SLC39A11: variants seen among roughly 807,000 people sequenced by gnomAD.
The protein encoded by SLC39A11 is zinc transporter ZIP11.
SLC39A11 carries 33 observed loss-of-function variants against 36.1 expected under a neutral mutation model. The observed-to-expected ratio is 0.91, with a 90% confidence interval of 0.69 to 1.22. SLC39A11 has a LOEUF of 1.22. Among genes scored for constraint, SLC39A11 ranks in the 50% most tolerant of loss-of-function variants. SLC39A11 has a pLI of 0.00. For synonymous variants in SLC39A11, 166 were observed against 170.3 expected (o/e 0.97, Z 0.20); for missense variants, 432 against 430.3 (o/e 1.00, Z -0.03).
intron 7 of SLC39A11, among the ~76,000 whole-genome samples, chr17:72,734,264 C>T (rs998757126): frequency 1.3e-5 from 2 of 152,180 alleles, no homozygotes; most frequent in Non-Finnish European, 2.9e-5. Context: ...ACAAACTCTA[C>T]ACGTTTTTCA....
intron 5 of SLC39A11, among the ~76,000 whole-genome samples, chr17:72,933,392 A>C (rs1420170379): frequency 6.6e-6 from 1 of 152,226 alleles, no homozygotes; most frequent in Non-Finnish European, 1.5e-5. Flanking sequence ...ACCACAAAAC[A>C]CTGATAAAGG....
chr17:72,672,852 T>C (rs2071082429), intron 7 of SLC39A11, among the ~76,000 whole-genome samples: 1 of 152,144 alleles, frequency 6.6e-6, no homozygotes, highest in Admixed American at 6.5e-5. Flanking sequence ...CAAATGATTC[T>C]CTCACCTCAG....
intron 6 of SLC39A11, among the ~76,000 whole-genome samples, chr17:72,795,428 A>AAG (rs551804748): frequency 6.5e-4 from 99 of 151,988 alleles, no homozygotes; most frequent in Non-Finnish European, 1.1e-3. Context: ...ATGACAGAGA[A>AAG]AGAGAGAGAG....
chr17:72,748,579 C>T (rs1029509287), intron 6 of SLC39A11, among the ~76,000 whole-genome samples: 1 of 152,198 alleles, frequency 6.6e-6, no homozygotes, highest in East Asian at 1.9e-4. Flanking sequence ...ACTGCGAAGA[C>T]ACAGGCAGCG....
At position 73,038,149 on chromosome 17, in the gene SLC39A11, G is replaced by A. The variant is rs151114486; in HGVS notation, c.148-6435C>T. 7.9e-5 allele frequency among the ~76,000 whole-genome samples: 12 copies of A among 152,050 alleles called. No homozygotes were observed. In the South Asian group the frequency reaches 1.5e-3, roughly 18 times the overall value. On this transcript the variant is annotated intron_variant, in intron 3 of 9. Transcript: ENST00000255559. Reference sequence around the variant, plus strand: ...TGAGACATGAGAATCACTTCAACCCGGGAGGCGGAGGTGGCAGTGAACTGA... The same window carrying A: ...TGAGACATGAGAATCACTTCAACCCAGGAGGCGGAGGTGGCAGTGAACTGA...
intron 5 of SLC39A11, among the ~76,000 whole-genome samples, chr17:72,899,823 G>C (rs936604236): frequency 2.0e-5 from 3 of 151,972 alleles, no homozygotes; most frequent in Non-Finnish European, 4.4e-5. Context: ...TTAGCCGGGC[G>C]TGGGGGCAGG....
intron 5 of SLC39A11, among the ~76,000 whole-genome samples, chr17:72,931,379 A>G (rs1164991826): frequency 4.6e-5 from 7 of 152,210 alleles, no homozygotes. Flanking sequence ...GAGTGAGCCC[A>G]GCCAAGAGAG....
intron 6 of SLC39A11, among the ~76,000 whole-genome samples, chr17:72,752,337 C>T (rs1213306619): frequency 2.6e-5 from 4 of 151,950 alleles, no homozygotes; most frequent in Non-Finnish European, 4.4e-5. Flanking sequence ...CTCCGCCTCC[C>T]GGGTTCCAGC....
chr17:72,889,718 G>A (rs2081627845), intron 5 of SLC39A11, among the ~76,000 whole-genome samples: 1 of 152,054 alleles, frequency 6.6e-6, no homozygotes, highest in African/African-American at 2.4e-5. Context: ...TTAAGATTTG[G>A]CTGTTGCATA....
rs566813870 is a variant in SLC39A11 at position 72,970,964 on chromosome 17, G to T, written c.307-23089C>A. 5.9e-5 allele frequency among the ~76,000 whole-genome samples: 9 copies of T among 152,302 alleles called. No individual in the cohort carries two copies. In the South Asian group the frequency reaches 1.9e-3, roughly 32 times the overall value. ...CCGCTGGGTGTCTGGGGCTCTGGGT[G>T]TCCCCACCACTCCTCCAGTGCCCAC... is the stretch of plus-strand genomic sequence containing the variant. On this transcript the variant is annotated intron_variant, in intron 4 of 9. Coordinates refer to ENST00000255559, the MANE Select transcript of SLC39A11 (RefSeq NM_139177.4).
chr17:72,968,974 A>T (rs1287690461), intron 4 of SLC39A11, among the ~76,000 whole-genome samples: 1 of 151,850 alleles, frequency 6.6e-6, no homozygotes, highest in East Asian at 1.9e-4. Context: ...CCCATCTCTG[A>T]TGCACGTGCT....
chr17:72,671,347 A>G (rs1464356335), intron 7 of SLC39A11, among the ~76,000 whole-genome samples: 2 of 152,178 alleles, frequency 1.3e-5, no homozygotes, highest in Non-Finnish European at 2.9e-5. Flanking sequence ...TGTGCATCCC[A>G]GATTATAATC....
intron 4 of SLC39A11, among the ~76,000 whole-genome samples, chr17:73,002,423 C>T (rs1486623780): frequency 6.6e-6 from 1 of 152,184 alleles, no homozygotes; most frequent in East Asian, 1.9e-4. Context: ...TCTGGTGCCT[C>T]TTAAACCATT....
In SLC39A11 at chr17:72,821,910, T is replaced by C. The variant is rs192687379; in HGVS notation, c.601+27724A>G. 318 of 151,700 alleles carry C rather than the reference T, an allele frequency of 2.1e-3. 8 individuals are homozygous for C. Among genetic ancestry groups the C allele is most frequent in the Middle Eastern group, 6.8e-3 (2 of 296 alleles). The allele number at this position is 151,700 out of a possible 1,614,324, so 9.4% of individuals were successfully genotyped here. Reference sequence around the variant, plus strand: ...CCCCACTCCACTGACAGGGCCTGCATAGTCCTCTTCCCTGGGTCCATTCCC... The same window carrying C: ...CCCCACTCCACTGACAGGGCCTGCACAGTCCTCTTCCCTGGGTCCATTCCC... On this transcript the variant is annotated intron_variant, in intron 6 of 9. Coordinates refer to ENST00000255559, the MANE Select transcript of SLC39A11 (RefSeq NM_139177.4).
At position 72,781,652 on chromosome 17, in the gene SLC39A11, C is replaced by T. The variant is rs553980824; in HGVS notation, c.602-44933G>A. Among the ~76,000 whole-genome samples, 13 of 152,162 alleles carry T rather than the reference C, an allele frequency of 8.5e-5. 1 individual carries two copies. In the South Asian group the frequency reaches 2.7e-3, roughly 32 times the overall value. ...GTTAACCACGTCTTGGTCTCCTGAC[C>T]TCATGTTCTGCTCACCTTGGTTTCC... is the stretch of plus-strand genomic sequence containing the variant. On this transcript the variant is annotated intron_variant, in intron 6 of 9. Coordinates refer to ENST00000255559, the MANE Select transcript of SLC39A11 (RefSeq NM_139177.4).
At chr17:72,674,325 AT>A (rs1598304591) in intron 7 of SLC39A11, among the ~76,000 whole-genome samples, 2 of 152,180 alleles carry the variant, frequency 1.3e-5, no homozygotes, top group East Asian at 3.9e-4. Flanking sequence ...AGCTTTTTTC[AT>A]TTAACAGTAT....
chr17:72,872,487 G>A (rs1267387996), intron 5 of SLC39A11, among the ~76,000 whole-genome samples: 3 of 152,190 alleles, frequency 2.0e-5, no homozygotes, highest in Non-Finnish European at 2.9e-5. Flanking sequence ...GGGCAGTGGC[G>A]TAGCTCCTAA....
At chr17:72,889,950 G>A (rs998336821) in intron 5 of SLC39A11, among the ~76,000 whole-genome samples, 1 of 151,930 alleles carries the variant, frequency 6.6e-6, no homozygotes, top group African/African-American at 2.4e-5. Flanking sequence ...GAGTTAGGTG[G>A]GTGAGAGATG....
At chr17:73,015,968 G>A (rs186155754) in intron 4 of SLC39A11, among the ~76,000 whole-genome samples, 1 of 152,152 alleles carries the variant, frequency 6.6e-6, no homozygotes, top group East Asian at 1.9e-4. Flanking sequence ...TAAGGTCAAC[G>A]AGTCCAAAGA....
Sources: gnomAD v4.1 joint callset for allele counts (sites outside exome capture counted in the v4.1 genomes callset) on GRCh38, gnomAD v4.1.1 for gene constraint, MANE v1.5 for transcripts, NCBI Gene and HGNC (gene_info 2026-07-23, HGNC 2026-07-21) for gene names.